The following NTN1 variants were observed in gnomAD, a reference collection of about 807,000 sequenced individuals.
The protein encoded by NTN1 is netrin 1.
Under a neutral mutation model 54.2 loss-of-function variants are expected in NTN1, and 11 were observed. The ratio of observed to expected loss-of-function variants is 0.20; its 90% CI spans 0.13 to 0.34. NTN1 has a LOEUF of 0.34. Ranked by LOEUF, NTN1 falls within the 10% of genes least tolerant of loss-of-function variation. NTN1 has a pLI of 1.00. For missense variants in NTN1, 740 were observed against 893.1 expected (o/e 0.83, Z 2.18); for synonymous variants, 371 against 382.0 (o/e 0.97, Z 0.33).
At chr17:9,079,818 G>A (rs1357449709) in intron 2 of NTN1, among the ~76,000 whole-genome samples, 2 of 151,842 alleles carry the variant, frequency 1.3e-5, no homozygotes, top group Non-Finnish European at 2.9e-5. Context: ...GGCCCTGGAG[G>A]AAGTGGTTCC....
intron 2 of NTN1, among the ~76,000 whole-genome samples, chr17:9,144,269 C>A (rs761951711): frequency 6.6e-6 from 1 of 151,946 alleles, no homozygotes; most frequent in Non-Finnish European, 1.5e-5. Context: ...AGCCATGTGT[C>A]CAGCATCTAG....
intron 2 of NTN1, 126 bp downstream of exon 2, chr17:9,023,517 C>T: frequency 8.5e-7 from 1 of 1,170,094 alleles, no homozygotes; most frequent in Non-Finnish European, 1.1e-6. Flanking sequence ...TCGCCGATGC[C>T]CGGGACCCGG....
At chr17:9,049,487 T>C (rs1193476712) in intron 2 of NTN1, among the ~76,000 whole-genome samples, 6 of 152,240 alleles carry the variant, frequency 3.9e-5, no homozygotes, top group South Asian at 2.1e-4. Context: ...AGTGACATCA[T>C]GTGCCACCTG....
At chr17:9,095,118 C>A (rs771199166) in intron 2 of NTN1, among the ~76,000 whole-genome samples, 1 of 151,346 alleles carries the variant, frequency 6.6e-6, no homozygotes, top group Non-Finnish European at 1.5e-5. Flanking sequence ...TTATTCAGGA[C>A]CTTTGTGTAT....
At chr17:9,131,013 T>C (rs527300316) in intron 2 of NTN1, among the ~76,000 whole-genome samples, 1 of 152,108 alleles carries the variant, frequency 6.6e-6, no homozygotes, top group Non-Finnish European at 1.5e-5. Context: ...TTTCCCTAAT[T>C]CTCTGTGTGT....
At chr17:9,059,113 A>G (rs2091988345) in intron 2 of NTN1, among the ~76,000 whole-genome samples, 2 of 152,202 alleles carry the variant, frequency 1.3e-5, no homozygotes, top group African/African-American at 4.8e-5. Context: ...ATTATCATTC[A>G]TGGTGATGCC....
chr17:9,193,079 CAAAA>C (rs528295578), intron 5 of NTN1, among the ~76,000 whole-genome samples: 1 of 105,972 alleles, frequency 9.4e-6, no homozygotes, highest in Non-Finnish European at 1.9e-5. Context: ...GACTCTGTCT[CAAAA>C]AAAAAAAAAA....
At chr17:9,191,946 G>T (rs1245888296) in intron 5 of NTN1, among the ~76,000 whole-genome samples, 1 of 150,846 alleles carries the variant, frequency 6.6e-6, no homozygotes, top group Non-Finnish European at 1.5e-5. Context: ...CTGCACGGCA[G>T]CGTGGGTGAC....
chr17:9,113,438 G>A (rs1272798846), intron 2 of NTN1, among the ~76,000 whole-genome samples: 1 of 152,176 alleles, frequency 6.6e-6, no homozygotes, highest in African/African-American at 2.4e-5. Context: ...TTCCCTGGGA[G>A]CAATGGTTCA....
At chr17:9,187,845 A>G (rs1330494707) in intron 5 of NTN1, among the ~76,000 whole-genome samples, 1 of 151,964 alleles carries the variant, frequency 6.6e-6, no homozygotes, top group Non-Finnish European at 1.5e-5. Flanking sequence ...AAAAAAAGAA[A>G]TGAAGTTCTG....
intron 6 of NTN1, among the ~76,000 whole-genome samples, chr17:9,226,178 T>G (rs1433484877): frequency 3.5e-4 from 46 of 131,288 alleles, no homozygotes; most frequent in East Asian, 6.7e-4. Context: ...GGGGCCTCAG[T>G]GCCAAGGCCC....
At chr17:9,058,142 G>A (rs1597472679) in intron 2 of NTN1, among the ~76,000 whole-genome samples, 1 of 152,088 alleles carries the variant, frequency 6.6e-6, no homozygotes, top group East Asian at 1.9e-4. Context: ...TGCCTGCCTC[G>A]GCCTCCCAAG....
intron 5 of NTN1, among the ~76,000 whole-genome samples, chr17:9,194,845 G>C (rs139443513): frequency 6.6e-6 from 1 of 152,176 alleles, no homozygotes; most frequent in Non-Finnish European, 1.5e-5. Context: ...CAGACATCCC[G>C]TGTGTATTAG....
intron 5 of NTN1, among the ~76,000 whole-genome samples, chr17:9,213,565 GGCC>G (rs1567740560): frequency 2.6e-5 from 4 of 152,172 alleles, no homozygotes; most frequent in African/African-American, 9.7e-5. Context: ...CTGATCAATT[GGCC>G]CATATAGTCT....
chr17:9,038,297 C>A (rs1428553150), intron 2 of NTN1, among the ~76,000 whole-genome samples: 1 of 91,392 alleles, frequency 1.1e-5, no homozygotes, highest in Non-Finnish European at 2.3e-5. Context: ...TCACCCTTAT[C>A]CTCCCCTACT....
At chr17:9,067,322 A>G (rs1256438953) in intron 2 of NTN1, among the ~76,000 whole-genome samples, 1 of 152,134 alleles carries the variant, frequency 6.6e-6, no homozygotes, top group East Asian at 1.9e-4. Flanking sequence ...ATGTCTCCTA[A>G]GGCTATTAAA....
intron 3 of NTN1, among the ~76,000 whole-genome samples, chr17:9,169,109 G>A (rs564809604): frequency 2.6e-5 from 4 of 151,780 alleles, no homozygotes; most frequent in Admixed American, 1.3e-4. Context: ...CCTTACCTAC[G>A]TATTTGGCTC....
chr17:9,026,038 C>T (rs2091869430), intron 2 of NTN1, among the ~76,000 whole-genome samples: 2 of 152,276 alleles, frequency 1.3e-5, no homozygotes, highest in South Asian at 2.1e-4. Context: ...CATAATCAGT[C>T]TTAATAACAA....
chr17:9,237,290 C>G (rs534736315), intron 6 of NTN1, among the ~76,000 whole-genome samples: 8 of 152,296 alleles, frequency 5.3e-5, no homozygotes, highest in Admixed American at 1.3e-4. Context: ...AGGGTCTTCC[C>G]TCTGTGTGTC....
Sources: allele counts gnomAD v4.1 joint callset (sites outside exome capture counted in the v4.1 genomes callset), GRCh38; gene constraint gnomAD v4.1.1; transcripts MANE v1.5; gene names NCBI Gene and HGNC (gene_info 2026-07-23, HGNC 2026-07-21).